The following FRMD5 variants were observed in gnomAD, a reference collection of about 807,000 sequenced individuals.
FRMD5 encodes the protein FERM domain containing 5.
A neutral mutation model predicts 69.0 loss-of-function variants in FRMD5; 20 were observed. That is an observed-to-expected ratio of 0.29 (90% CI 0.20 to 0.42). The LOEUF (loss-of-function observed/expected upper bound fraction) is 0.42. Ranked by LOEUF, FRMD5 falls within the 10% of genes least tolerant of loss-of-function variation. FRMD5 has a pLI of 1.00. For missense variants in FRMD5, 595 were observed against 708.6 expected, an observed-to-expected ratio of 0.84 and a Z score of 1.82; for synonymous variants, 271 against 260.1, an observed-to-expected ratio of 1.04 and a Z score of -0.40.
intron 1 of FRMD5, among the ~76,000 whole-genome samples, chr15:44,130,016 C>T (rs1044428055): frequency 6.6e-6 from 1 of 152,198 alleles, no homozygotes; most frequent in Non-Finnish European, 1.5e-5. Flanking sequence ...TCAACTCTCC[C>T]TAACTCAGTG....
chr15:43,873,591 T>A lies in FRMD5; in HGVS notation c.*294A>T. Reference sequence around the variant, plus strand: ...CAAAATAATATACATCTATGAAAAATCAAAATTCAAAACCAAAAATTATCC... The same window carrying A: ...CAAAATAATATACATCTATGAAAAAACAAAATTCAAAACCAAAAATTATCC... On this transcript the variant is annotated 3_prime_UTR_variant, in exon 14 of 14. Coordinates refer to ENST00000417257, the MANE Select transcript of FRMD5 (RefSeq NM_032892.5). 1.4e-6 allele frequency: 2 copies of A among 1,432,988 alleles called. No homozygotes were observed. The highest frequency in any genetic ancestry group is 1.8e-6 in the Non-Finnish European group (2 of 1,097,546). The allele number at this position is 1,432,988 out of a possible 1,614,324, so 88.8% of individuals were successfully genotyped here.
intron 1 of FRMD5, 46 bp downstream of exon 1, chr15:44,194,907 G>T: frequency 1.4e-6 from 2 of 1,464,964 alleles, no homozygotes; most frequent in Non-Finnish European, 9.2e-7. Context: ...CCAGACTTGG[G>T]GGACAAGGGG....
chr15:44,130,808 G>C (rs2077088306), intron 1 of FRMD5, among the ~76,000 whole-genome samples: 1 of 152,094 alleles, frequency 6.6e-6, no homozygotes, highest in Admixed American at 6.5e-5. Flanking sequence ...TTACAACCTT[G>C]ACTCTGGCAA....
intron 1 of FRMD5, among the ~76,000 whole-genome samples, chr15:44,080,355 T>C (rs1220862781): frequency 1.3e-5 from 2 of 152,122 alleles, no homozygotes; most frequent in African/African-American, 4.8e-5. Context: ...TCAGTTCTCG[T>C]GTGTGCCTAA....
chr15:44,128,147 C>T (rs2077049066), intron 1 of FRMD5, among the ~76,000 whole-genome samples: 1 of 152,182 alleles, frequency 6.6e-6, no homozygotes, highest in South Asian at 2.1e-4. Flanking sequence ...AAAAGAGCAA[C>T]TATTTTTATA....
chr15:43,937,592 C>T (rs188691500), intron 1 of FRMD5, among the ~76,000 whole-genome samples: 19 of 150,098 alleles, frequency 1.3e-4, no homozygotes, highest in South Asian at 2.1e-4. Flanking sequence ...GAGCCAAGAT[C>T]GCGCCACTGC....
In FRMD5 at chr15:44,166,960, T is replaced by C. The variant is rs933012793; in HGVS notation, c.102+27993A>G. Among the ~76,000 whole-genome samples the C allele has an allele frequency of 3.3e-5, 5 of 152,134 alleles. 1 individual carries two copies. The highest frequency in any genetic ancestry group is 7.2e-5 in the African/African-American group (3 of 41,420). Reference sequence around the variant, plus strand: ...AGTATGTCTGAAAGTCAGTGAATCATTGAATCATTCCAACTAAAGGAAATG... The same window carrying C: ...AGTATGTCTGAAAGTCAGTGAATCACTGAATCATTCCAACTAAAGGAAATG... On this transcript the variant is annotated intron_variant, in intron 1 of 13. Transcript: ENST00000417257.
chr15:44,032,579 A>G (rs1184958251), intron 1 of FRMD5, among the ~76,000 whole-genome samples: 1 of 152,232 alleles, frequency 6.6e-6, no homozygotes, highest in Non-Finnish European at 1.5e-5. Flanking sequence ...ACATACATGC[A>G]GCCAACAAGC....
intron 1 of FRMD5, among the ~76,000 whole-genome samples, chr15:43,929,352 G>C (rs909020563): frequency 1.3e-5 from 2 of 152,134 alleles, no homozygotes; most frequent in African/African-American, 4.8e-5. Context: ...TTAATCCCAG[G>C]CTCTCTGGCA....
intron 13 of FRMD5, among the ~76,000 whole-genome samples, chr15:43,878,575 G>A (rs777234142): frequency 6.6e-6 from 1 of 152,172 alleles, no homozygotes; most frequent in Non-Finnish European, 1.5e-5. Flanking sequence ...TATGTACCTT[G>A]GGACAGGTTA....
intron 1 of FRMD5, among the ~76,000 whole-genome samples, chr15:44,012,679 G>C (rs1890771142): frequency 6.6e-6 from 1 of 151,674 alleles, no homozygotes; most frequent in Admixed American, 6.6e-5. Flanking sequence ...GGGTACACTT[G>C]CAGGGTACAT....
intron 1 of FRMD5, among the ~76,000 whole-genome samples, chr15:44,084,508 T>C (rs117592398): frequency 0.022 from 3,330 of 152,202 alleles, 81 homozygotes; most frequent in South Asian, 0.072. Flanking sequence ...CTGATATGAA[T>C]TCAGATATAA....
chr15:44,063,626 A>T, intron 1 of FRMD5: 2 of 509,636 alleles, frequency 3.9e-6, no homozygotes, highest in Non-Finnish European at 7.7e-6. Flanking sequence ...CCCTTTGTTG[A>T]CCTCAACTAC....
intron 4 of FRMD5, chr15:43,919,175 A>G: frequency 1.9e-6 from 1 of 530,188 alleles, no homozygotes; most frequent in Non-Finnish European, 3.7e-6. Flanking sequence ...TAGGTAAAAG[A>G]AAAGACGCTT....
At chr15:44,047,709 C>T (rs781618883) in intron 1 of FRMD5, among the ~76,000 whole-genome samples, 17 of 152,172 alleles carry the variant, frequency 1.1e-4, no homozygotes, top group Non-Finnish European at 2.5e-4. Flanking sequence ...AGCTAATTCT[C>T]ATTCCTGCCA....
chr15:43,947,274 G>C (rs2089962055), intron 1 of FRMD5, among the ~76,000 whole-genome samples: 1 of 152,160 alleles, frequency 6.6e-6, no homozygotes, highest in Non-Finnish European at 1.5e-5. Context: ...AAGAATATTA[G>C]CTAGGAAATA....
At chr15:43,884,318 C>A (rs747891835) in intron 12 of FRMD5, among the ~76,000 whole-genome samples, 8 of 152,154 alleles carry the variant, frequency 5.3e-5, no homozygotes, top group Admixed American at 3.3e-4. Flanking sequence ...TCTGGAAACA[C>A]AATTTGTGGA....
intron 1 of FRMD5, among the ~76,000 whole-genome samples, chr15:43,997,625 G>A (rs1468594134): frequency 6.9e-6 from 1 of 144,026 alleles, no homozygotes; most frequent in Non-Finnish European, 1.5e-5. Flanking sequence ...CAAAGTGAGT[G>A]GATTTTTCCC....
chr15:43,873,184 C>CTGCTGT lies in FRMD5; in HGVS notation c.*695_*700dup. On this transcript the variant is annotated 3_prime_UTR_variant, in exon 14 of 14. Transcript: ENST00000417257. ...GGACAGACTTACCCCACCCCTGATG[C>CTGCTGT]TGCTGTTGCTGTAGCGGTGGTCCCT... 2 of 1,550,552 alleles carry CTGCTGT rather than the reference C, an allele frequency of 1.3e-6. No individual in the cohort carries two copies.
Sources: gnomAD v4.1 joint callset for allele counts (sites outside exome capture counted in the v4.1 genomes callset) on GRCh38, gnomAD v4.1.1 for gene constraint, MANE v1.5 for transcripts, NCBI Gene and HGNC (gene_info 2026-07-23, HGNC 2026-07-21) for gene names.